The following CEMIP2 variants were observed in gnomAD, a reference collection of about 807,000 sequenced individuals.
The protein encoded by CEMIP2 is cell surface hyaluronidase CEMIP2.
CEMIP2 carries 79 observed loss-of-function variants against 146.9 expected under a neutral mutation model. That is an observed-to-expected ratio of 0.54 (90% CI 0.45 to 0.65). The LOEUF (loss-of-function observed/expected upper bound fraction) is 0.65. Ranked by LOEUF, CEMIP2 falls within the 30% of genes least tolerant of loss-of-function variation. The pLI is 0.00. For missense variants in CEMIP2, 1,596 were observed against 1,696.2 expected (o/e 0.94, Z 1.04); for synonymous variants, 601 against 606.3 (o/e 0.99, Z 0.13).
In CEMIP2 at chr9:71,690,153, C is replaced by A. The variant is rs369850672; in HGVS notation, c.3790G>T (p.Val1264Phe). ...SVPFRLTEKT[V>F]FPLADVSRIE... is the part of the protein sequence containing the mutation. ...CGACTGACATCAGCAAGAGGAAAAA[C>A]CGTTTTTTCCGTCAAGCGGAATGGA... The change falls in exon 22 of 24, where the codon GTT becomes TTT. Residue 1264 changes from valine to phenylalanine, a missense_variant. Transcript: ENST00000377044. 8.7e-6 allele frequency: 14 copies of A among 1,614,166 alleles called. No homozygotes were observed. Among genetic ancestry groups the A allele is most frequent in the East Asian group, 4.5e-5 (2 of 44,884 alleles).
intron 1 of CEMIP2, among the ~76,000 whole-genome samples, chr9:71,760,383 C>A (rs746107861): frequency 1.1e-4 from 17 of 152,014 alleles, no homozygotes; most frequent in Non-Finnish European, 2.4e-4. Flanking sequence ...ATGTTTAATG[C>A]CAAAAGTGAA....
At chr9:71,716,063 G>T (rs1038592646) in intron 14 of CEMIP2, among the ~76,000 whole-genome samples, 1 of 152,102 alleles carries the variant, frequency 6.6e-6, no homozygotes, top group Non-Finnish European at 1.5e-5. Flanking sequence ...AGAATTAAAT[G>T]ACAAGCATAT....
At chr9:71,697,945 T>C in intron 20 of CEMIP2, 40 bp downstream of exon 20, 1 of 1,591,068 alleles carries the variant, frequency 6.3e-7, no homozygotes, top group Non-Finnish European at 8.6e-7. Context: ...CCCTCTGACT[T>C]TTTCTCCTTG....
In CEMIP2 at chr9:71,730,096, C is replaced by T. The variant is rs777253304; in HGVS notation, c.1931G>A (p.Arg644Gln). ...DRNNSMCTTM[R>Q]DKVFGNYIPV... The stretch of plus-strand genomic sequence containing the variant: ...AATGTAATTTCCAAACACTTTATCT[C>T]GCATGGTGGTACACATGGAGTTGTT... The change falls in exon 9 of 24, where the codon CGA becomes CAA. Residue 644 changes from arginine (R) to glutamine (Q), a missense_variant. By Grantham distance (43) the Arg-to-Gln change is conservative. Coordinates refer to ENST00000377044, the MANE Select transcript of CEMIP2 (RefSeq NM_013390.3). The T allele has an allele frequency of 5.6e-6, 9 of 1,614,110 alleles. No individual in the cohort carries two copies. Among genetic ancestry groups the T allele is most frequent in the Admixed American group, 3.3e-5 (2 of 60,006 alleles).
chr9:71,733,900 G>T (rs921854868), intron 6 of CEMIP2, among the ~76,000 whole-genome samples: 6 of 151,880 alleles, frequency 4.0e-5, no homozygotes, highest in African/African-American at 1.5e-4. Flanking sequence ...CTGCAGTGCA[G>T]TGACATGATC....
intron 2 of CEMIP2, among the ~76,000 whole-genome samples, chr9:71,747,713 A>C (rs1299817479): frequency 1.3e-5 from 2 of 152,174 alleles, no homozygotes; most frequent in Admixed American, 1.3e-4. Flanking sequence ...TGTTCTATAC[A>C]GAAAAAAAAA....
chr9:71,734,290 A>G (rs1823703141), intron 6 of CEMIP2, among the ~76,000 whole-genome samples: 1 of 151,560 alleles, frequency 6.6e-6, no homozygotes, highest in African/African-American at 2.4e-5. Context: ...TCTATTAATA[A>G]ATGGATCTAA....
chr9:71,692,364 C>A (rs1182003811), intron 21 of CEMIP2, among the ~76,000 whole-genome samples: 2 of 77,548 alleles, frequency 2.6e-5, no homozygotes, highest in Non-Finnish European at 4.4e-5. Flanking sequence ...CTCTACCCCC[C>A]ATCTCTCTCT....
At chr9:71,705,034 C>T (rs182681818) in intron 17 of CEMIP2, 6 of 505,342 alleles carry the variant, frequency 1.2e-5, no homozygotes, top group East Asian at 3.4e-5. Flanking sequence ...TCTTCATCAT[C>T]GCTTCCACCA....
Position 71,694,115 on chromosome 9 carries a change from A to ATTTATTTC in CEMIP2, c.3696+393_3696+394insGAAATAAA, listed in dbSNP as rs1563994328. On this transcript the variant is annotated intron_variant, in intron 21 of 23. Coordinates refer to ENST00000377044, the MANE Select transcript of CEMIP2 (RefSeq NM_013390.3). ...GTTGTTTATTTTTATTTATTTATTT[A>ATTTATTTC]TTTATTTATTTATTTATTTATTTTG... Among the ~76,000 whole-genome samples, 7 of 148,174 alleles carry ATTTATTTC rather than the reference A, an allele frequency of 4.7e-5. No individual in the cohort carries two copies. The East Asian group carries it at 1.4e-3, about 29-fold the overall frequency.
chr9:71,699,427 G>C (rs1345808430), intron 19 of CEMIP2: 1 of 448,922 alleles, frequency 2.2e-6, no homozygotes, highest in East Asian at 7.0e-5. Context: ...CTCCAGCCTG[G>C]GCAACATAGG....
intron 4 of CEMIP2, among the ~76,000 whole-genome samples, chr9:71,742,938 G>A (rs548055126): frequency 3.8e-4 from 58 of 152,256 alleles, no homozygotes; most frequent in Admixed American, 2.2e-3. Flanking sequence ...AATGAGCCTC[G>A]GCCGGGCACA....
chr9:71,703,444 T>A (rs1278675937), intron 18 of CEMIP2, among the ~76,000 whole-genome samples: 1 of 152,196 alleles, frequency 6.6e-6, no homozygotes, highest in Non-Finnish European at 1.5e-5. Context: ...TCTGCCACGA[T>A]GTTCATCATC....
rs79872255 is a variant in CEMIP2, at chr9:71,741,185, ATTTTTTTTT to A, written c.1035-962_1035-954del. Among the ~76,000 whole-genome samples the A allele has an allele frequency of 6.9e-4, 50 of 72,246 alleles. No homozygotes were observed. The Middle Eastern group carries it at 0.025, about 36-fold the overall frequency. The allele number at this position is 72,246 out of a possible 152,430, so 47.4% of individuals were successfully genotyped here. ...CAGGCAAGGTTGAGAACTGAGTTAG[ATTTTTTTTT>A]TTTTTTTTTTTTTTTTTTTGAGATG... On this transcript the variant is annotated intron_variant, in intron 4 of 23. Coordinates refer to ENST00000377044, the MANE Select transcript of CEMIP2 (RefSeq NM_013390.3).
intron 15 of CEMIP2, 34 bp from the exon 16 acceptor site, chr9:71,712,294 G>A (rs1822930044): frequency 1.3e-6 from 2 of 1,599,968 alleles, no homozygotes; most frequent in Admixed American, 1.7e-5. Flanking sequence ...TAATGCATAT[G>A]GGCTGTCCCC....
At chr9:71,763,470 A>G (rs937050995) in intron 1 of CEMIP2, among the ~76,000 whole-genome samples, 17 of 152,258 alleles carry the variant, frequency 1.1e-4, no homozygotes, top group African/African-American at 4.1e-4. Context: ...TTAAATTTCA[A>G]CTCTTTCAGG....
At chr9:71,753,625 C>T (rs1824324821) in intron 1 of CEMIP2, among the ~76,000 whole-genome samples, 2 of 151,960 alleles carry the variant, frequency 1.3e-5, no homozygotes, top group African/African-American at 4.8e-5. Context: ...TATAGTGTTG[C>T]ACCATGTATT....
At chr9:71,739,948 G>C (rs1054297738) in intron 5 of CEMIP2, 115 bp downstream of exon 5, 11 of 994,386 alleles carry the variant, frequency 1.1e-5, no homozygotes, top group Non-Finnish European at 1.6e-5. Context: ...ACTTCAACTA[G>C]TTGAGAAATC....
intron 19 of CEMIP2, 135 bp from the exon 20 acceptor site, chr9:71,698,339 A>C (rs1178925214): frequency 4.2e-6 from 3 of 719,858 alleles, no homozygotes; most frequent in East Asian, 5.4e-5. Context: ...TTACAAAATG[A>C]ATAGTTATTT....
Sources: allele counts gnomAD v4.1 joint callset (sites outside exome capture counted in the v4.1 genomes callset), GRCh38; gene constraint gnomAD v4.1.1; transcripts MANE v1.5; gene names NCBI Gene and HGNC (gene_info 2026-07-23, HGNC 2026-07-21).